PPP3CA: variants seen among roughly 807,000 people sequenced by gnomAD.
PPP3CA encodes the protein CAM-PRP catalytic subunit.
PPP3CA carries 14 observed loss-of-function variants against 66.5 expected under a neutral mutation model. The observed-to-expected ratio is 0.21, with a 90% CI of 0.14 to 0.33. The LOEUF is 0.33. Among genes scored for constraint, PPP3CA ranks in the 10% least tolerant of loss-of-function variants. The pLI, the probability that PPP3CA is intolerant of heterozygous loss-of-function variation, is 1.00. For missense variants in PPP3CA, 317 were observed against 639.5 expected, an observed-to-expected ratio of 0.50 and a Z score of 5.44; for synonymous variants, 232 against 226.2, an observed-to-expected ratio of 1.03 and a Z score of -0.23.
At chr4:101,218,670 G>A (rs1277600804) in intron 1 of PPP3CA, among the ~76,000 whole-genome samples, 1 of 151,838 alleles carries the variant, frequency 6.6e-6, no homozygotes, top group East Asian at 1.9e-4. Context: ...GGAAAATATA[G>A]TTCATCCAAC....
In PPP3CA at chr4:101,287,598, T is replaced by C. The variant is rs12511669; in HGVS notation, c.58+59141A>G. Among the ~76,000 whole-genome samples, 894 of 152,290 alleles carry C rather than the reference T, an allele frequency of 5.9e-3. 6 individuals carry two copies. Among genetic ancestry groups the C allele is most frequent in the East Asian group, 0.038 (197 of 5,180 alleles). ...AGCCTGTCTTCTGCTCCCATTCAAGTGCACAAAGTCCTCTGCTTAAAGGAC... is the reference window on the plus strand; with the variant it reads ...AGCCTGTCTTCTGCTCCCATTCAAGCGCACAAAGTCCTCTGCTTAAAGGAC... On this transcript the variant is annotated intron_variant, in intron 1 of 13. Transcript: ENST00000394854.
chr4:101,276,685 T>C, intron 1 of PPP3CA, among the ~76,000 whole-genome samples: 1 of 152,168 alleles, frequency 6.6e-6, no homozygotes, highest in East Asian at 1.9e-4. Flanking sequence ...AGGGTTTGCC[T>C]TTGCATGTTT....
In PPP3CA at chr4:101,343,290, A is replaced by G. The variant is rs1012992208; in HGVS notation, c.58+3449T>C. On this transcript the variant is annotated intron_variant, in intron 1 of 13. Transcript: ENST00000394854. The stretch of plus-strand genomic sequence containing the variant: ...ATCACATAGGGTTTAATTTCCTCTA[A>G]GTATTTTTAACTATCACATAGCAAA... Among the ~76,000 whole-genome samples, 3 of 152,188 alleles carry G rather than the reference A, an allele frequency of 2.0e-5. No individual in the cohort carries two copies. The South Asian group carries it at 6.2e-4, about 31-fold the overall frequency.
intron 2 of PPP3CA, among the ~76,000 whole-genome samples, chr4:101,179,126 A>G (rs1724156624): frequency 2.6e-5 from 4 of 151,934 alleles, no homozygotes; most frequent in Non-Finnish European, 5.9e-5. Flanking sequence ...TCGAACGATC[A>G]CCCACTCCCC....
At position 101,324,714 on chromosome 4, in the gene PPP3CA, A is replaced by T. The variant is rs187173628; in HGVS notation, c.58+22025T>A. Among the ~76,000 whole-genome samples the T allele has an allele frequency of 2.6e-4, 40 of 152,210 alleles. No individual in the cohort carries two copies. In the East Asian group the frequency reaches 7.5e-3, roughly 29 times the overall value. ...ACAACAAAAAAAAAAAAGACAATAA[A>T]CTTTGGGGGCACTTTCATTCCCTAC... On this transcript the variant is annotated intron_variant, in intron 1 of 13. Transcript: ENST00000394854.
At chr4:101,247,323 A>G (rs1726518351) in intron 1 of PPP3CA, among the ~76,000 whole-genome samples, 2 of 151,982 alleles carry the variant, frequency 1.3e-5, no homozygotes, top group Admixed American at 6.6e-5. Context: ...CACCACACCC[A>G]GCTAATTTTT....
intron 1 of PPP3CA, among the ~76,000 whole-genome samples, chr4:101,284,614 T>A (rs2110281710): frequency 6.6e-6 from 1 of 152,152 alleles, no homozygotes; most frequent in East Asian, 1.9e-4. Context: ...ATTTACTCAC[T>A]AAGCTGTTAC....
intron 1 of PPP3CA, among the ~76,000 whole-genome samples, chr4:101,313,903 T>G (rs1051627397): frequency 6.6e-6 from 1 of 152,226 alleles, no homozygotes; most frequent in Non-Finnish European, 1.5e-5. Context: ...CCCCAGCTGA[T>G]TAGTGAACAT....
At chr4:101,291,535 C>T (rs1042089158) in intron 1 of PPP3CA, among the ~76,000 whole-genome samples, 6 of 152,214 alleles carry the variant, frequency 3.9e-5, no homozygotes, top group Admixed American at 1.3e-4. Flanking sequence ...TTTCACAAAG[C>T]ATTCACGAAT....
At chr4:101,318,480 T>C (rs1728946468) in intron 1 of PPP3CA, among the ~76,000 whole-genome samples, 1 of 152,192 alleles carries the variant, frequency 6.6e-6, no homozygotes, top group Non-Finnish European at 1.5e-5. Context: ...TCAGCCAAAT[T>C]GATAGGCATC....
intron 1 of PPP3CA, among the ~76,000 whole-genome samples, chr4:101,284,418 T>C (rs144330355): frequency 2.0e-5 from 3 of 152,276 alleles, no homozygotes; most frequent in Non-Finnish European, 4.4e-5. Flanking sequence ...TTCTGGTTTT[T>C]TACACATGAA....
intron 2 of PPP3CA, among the ~76,000 whole-genome samples, chr4:101,123,881 T>C (rs1199048976): frequency 6.6e-6 from 1 of 152,176 alleles, no homozygotes; most frequent in Non-Finnish European, 1.5e-5. Context: ...TACAAAGTGG[T>C]TGTAAAGATA....
At chr4:101,121,067 G>T (rs965942582) in intron 2 of PPP3CA, among the ~76,000 whole-genome samples, 4 of 151,962 alleles carry the variant, frequency 2.6e-5, no homozygotes, top group African/African-American at 9.7e-5. Context: ...ATAGCTGCTG[G>T]TTCATAATAA....
At chr4:101,151,474 G>C (rs934389130) in intron 2 of PPP3CA, among the ~76,000 whole-genome samples, 1 of 150,576 alleles carries the variant, frequency 6.6e-6, no homozygotes, top group Non-Finnish European at 1.5e-5. Context: ...GCAGAGAATC[G>C]CTTGAACCCG....
chr4:101,263,478 A>G (rs1727070249), intron 1 of PPP3CA, among the ~76,000 whole-genome samples: 1 of 152,332 alleles, frequency 6.6e-6, no homozygotes, highest in South Asian at 2.1e-4. Flanking sequence ...ACAGAGGGCA[A>G]TAAGGCTCAC....
intron 11 of PPP3CA, among the ~76,000 whole-genome samples, chr4:101,034,442 G>A (rs1053913021): frequency 6.6e-6 from 1 of 152,028 alleles, no homozygotes; most frequent in Admixed American, 6.6e-5. Flanking sequence ...GATACAGTGT[G>A]TTTACTTGCT....
chr4:101,172,276 C>T (rs13118966), intron 2 of PPP3CA, among the ~76,000 whole-genome samples: 68,020 of 151,938 alleles, frequency 0.45, 17,966 homozygotes, highest in Middle Eastern at 0.62. Flanking sequence ...AATCCCATTT[C>T]TGACACTTCT....
chr4:101,078,384 A>AT (rs1350522792), intron 8 of PPP3CA, among the ~76,000 whole-genome samples: 1 of 152,158 alleles, frequency 6.6e-6, no homozygotes, highest in African/African-American at 2.4e-5. Flanking sequence ...AAAAATATTC[A>AT]TTGGCCCTGA....
intron 1 of PPP3CA, among the ~76,000 whole-genome samples, chr4:101,321,762 G>A (rs1729048303): frequency 6.6e-6 from 1 of 152,062 alleles, no homozygotes. Flanking sequence ...AAAACTAAGA[G>A]CAATAAAATT....
Sources: allele counts gnomAD v4.1 joint callset (sites outside exome capture counted in the v4.1 genomes callset), GRCh38; gene constraint gnomAD v4.1.1; transcripts MANE v1.5; gene names NCBI Gene and HGNC (gene_info 2026-07-23, HGNC 2026-07-21).